PALD1: variants seen among roughly 807,000 people sequenced by gnomAD.
PALD1 encodes the protein phosphatase domain containing paladin 1.
PALD1 carries 57 observed loss-of-function variants against 96.0 expected under a neutral mutation model. The observed-to-expected ratio is 0.59, with a 90% CI of 0.48 to 0.74. PALD1 has a LOEUF of 0.74. PALD1 is among the 30% of genes least tolerant of loss of function. PALD1 has a pLI of 0.00. For synonymous variants in PALD1, 464 were observed against 473.6 expected, an observed-to-expected ratio of 0.98 and a Z score of 0.26; for missense variants, 1,063 against 1,143.7, an observed-to-expected ratio of 0.93 and a Z score of 1.02.
intron 1 of PALD1, among the ~76,000 whole-genome samples, chr10:70,493,907 T>C (rs1228133042): frequency 6.6e-6 from 1 of 152,162 alleles, no homozygotes; most frequent in Non-Finnish European, 1.5e-5. Flanking sequence ...GCAGACCTTG[T>C]CAGAACTTAA....
intron 1 of PALD1, among the ~76,000 whole-genome samples, chr10:70,509,288 C>T (rs571095032): frequency 4.1e-4 from 63 of 152,298 alleles, no homozygotes; most frequent in African/African-American, 1.3e-3. Flanking sequence ...GAGCCAGCTG[C>T]GGAAACGGAG....
At chr10:70,487,702 A>C (rs1327603794) in intron 1 of PALD1, among the ~76,000 whole-genome samples, 2 of 152,046 alleles carry the variant, frequency 1.3e-5, no homozygotes, top group Non-Finnish European at 2.9e-5. Flanking sequence ...TCTTTAAAAA[A>C]AAAAACAAAA....
the PALD1 span, among the ~76,000 whole-genome samples, chr10:70,469,532 G>T: frequency 6.6e-6 from 1 of 152,136 alleles, no homozygotes; most frequent in Admixed American, 6.6e-5. Flanking sequence ...TGCTGTAGAG[G>T]TGAGCGGGCT....
intron 1 of PALD1, among the ~76,000 whole-genome samples, chr10:70,510,426 G>A (rs1296635114): frequency 2.0e-5 from 3 of 152,192 alleles, no homozygotes; most frequent in Admixed American, 2.0e-4. Context: ...CTTCCTGGAA[G>A]TGAGCACATG....
At position 70,501,836 on chromosome 10, in the gene PALD1, C is replaced by T. The variant is rs10999358; in HGVS notation, c.-30+22777C>T. On this transcript the variant is annotated intron_variant, in intron 1 of 19. Coordinates refer to ENST00000263563, the MANE Select transcript of PALD1 (RefSeq NM_014431.3). The stretch of plus-strand genomic sequence containing the variant: ...CTCTGTGTGTGTGTGTGTGTGTGTG[C>T]GTGCGTGCATGCATACCTGTGTTCA... Among the ~76,000 whole-genome samples the T allele has an allele frequency of 0.02, 276 of 13,854 alleles. 3 individuals carry two copies. In the East Asian group the frequency reaches 0.35, roughly 17 times the overall value. 9.1% of individuals were successfully genotyped at this position (13,854 alleles called of 152,430 possible).
chr10:70,513,127 C>A (rs868851498), intron 1 of PALD1, among the ~76,000 whole-genome samples: 1 of 152,170 alleles, frequency 6.6e-6, no homozygotes, highest in African/African-American at 2.4e-5. Context: ...CAGCTTAACA[C>A]TTTTTTCAGT....
chr10:70,534,318 A>G, intron 8 of PALD1, 107 bp from the exon 9 acceptor site: 1 of 807,322 alleles, frequency 1.2e-6, no homozygotes, highest in Non-Finnish European at 2.0e-6. Flanking sequence ...TTCAGAAGGA[A>G]CCTGTAGTCT....
At chr10:70,467,523 C>T in the PALD1 span, among the ~76,000 whole-genome samples, 336 of 152,212 alleles carry the variant, frequency 2.2e-3, 3 homozygotes, top group African/African-American at 7.7e-3. Context: ...CCTAACACCC[C>T]GCACAGTTCG....
At chr10:70,475,487 G>A (rs181624175), upstream of PALD1, among the ~76,000 whole-genome samples, 27 of 152,306 alleles carry the variant, frequency 1.8e-4, no homozygotes, top group African/African-American at 6.3e-4. Context: ...GTCACAAGGA[G>A]CAAGGCCAGC....
chr10:70,490,993 C>T (rs182859282), intron 1 of PALD1, among the ~76,000 whole-genome samples: 489 of 151,980 alleles, frequency 3.2e-3, no homozygotes, highest in Middle Eastern at 6.8e-3. Context: ...CTCGCTCTGT[C>T]GCCCAGGCAT....
intron 9 of PALD1, 104 bp from the exon 10 acceptor site, chr10:70,534,635 A>G (rs1847070983): frequency 8.6e-7 from 1 of 1,166,284 alleles, no homozygotes; most frequent in Non-Finnish European, 1.3e-6. Flanking sequence ...CTCTCTGCCA[A>G]TCTTTTTCTT....
At chr10:70,524,644 T>C (rs1233793761) in intron 1 of PALD1, among the ~76,000 whole-genome samples, 3 of 152,222 alleles carry the variant, frequency 2.0e-5, no homozygotes, top group East Asian at 1.9e-4. Context: ...TGATGCCCTT[T>C]CGTGAGTTAA....
At chr10:70,541,634 A>C (rs1416446055) in intron 17 of PALD1, 100 bp downstream of exon 17, 2 of 815,472 alleles carry the variant, frequency 2.5e-6, no homozygotes, top group Non-Finnish European at 2.1e-6. Context: ...GTCCCAATGC[A>C]GTCACGTCTG....
At chr10:70,534,203 C>T (rs2132378512) in intron 8 of PALD1, 130 bp downstream of exon 8, 1 of 1,147,524 alleles carries the variant, frequency 8.7e-7, no homozygotes, top group Non-Finnish European at 1.2e-6. Context: ...GGTTCATTTC[C>T]TGGTTTGCCA....
intron 4 of PALD1, among the ~76,000 whole-genome samples, 172 bp from the exon 5 acceptor site, chr10:70,531,118 G>A (rs1846980675): frequency 6.6e-6 from 1 of 152,148 alleles, no homozygotes; most frequent in Non-Finnish European, 1.5e-5. Flanking sequence ...AGGGTCACAG[G>A]GAGGTAGCAT....
In PALD1 at chr10:70,512,947, G is replaced by A. The variant is rs572304706; in HGVS notation, c.-29-12976G>A. Reference sequence around the variant, plus strand: ...TTGAAATTCATTGATTTCAAACTACGGGTGGCTAATTAGAGTGGAAAATAC... The same window carrying A: ...TTGAAATTCATTGATTTCAAACTACAGGTGGCTAATTAGAGTGGAAAATAC... On this transcript the variant is annotated intron_variant, in intron 1 of 19. Coordinates refer to ENST00000263563, the MANE Select transcript of PALD1 (RefSeq NM_014431.3). Among the ~76,000 whole-genome samples the A allele has an allele frequency of 3.9e-5, 6 of 152,294 alleles. No homozygotes were observed. The South Asian group carries it at 8.3e-4, about 21-fold the overall frequency.
Position 70,529,224 on chromosome 10 carries a change from CCCAG to C in PALD1, c.186-4_186-1del. 3.3e-6 allele frequency: 1 copy of C among 300,602 alleles called. No homozygotes were observed. Among genetic ancestry groups the C allele is most frequent in the Non-Finnish European group, 6.2e-6 (1 of 161,914 alleles). The allele number at this position is 300,602 out of a possible 1,614,324, so 18.6% of individuals were successfully genotyped here. On this transcript the variant is annotated splice_acceptor_variant and splice_polypyrimidine_tract_variant and intron_variant, in intron 2 of 19. Coordinates refer to ENST00000263563, the MANE Select transcript of PALD1 (RefSeq NM_014431.3). LOFTEE classifies it high-confidence loss of function. ...TTCCATTCTGCCCCCCCCCCCCCCC[CCCAG>C]GTACAACTGCAAGGAGGAGTTCCAG...
intron 1 of PALD1, among the ~76,000 whole-genome samples, chr10:70,504,519 T>C (rs979657916): frequency 2.0e-5 from 3 of 152,216 alleles, no homozygotes; most frequent in African/African-American, 7.2e-5. Flanking sequence ...TAAGACTTCG[T>C]CTCAGAAAAC....
rs1345640823 is a variant in PALD1 at position 70,526,000 on chromosome 10, C to T, written c.49C>T (p.Pro17Ser). 6.2e-7 allele frequency: 1 copy of T among 1,614,066 alleles called. No individual in the cohort carries two copies. The highest frequency in any genetic ancestry group is 1.3e-5 in the African/African-American group (1 of 74,920). Residue 17 changes from proline (P) to serine (S), a missense_variant, in exon 2 of 20, where the codon CCA (proline) becomes TCA (serine). By Grantham distance (74) the Pro-to-Ser change is moderately conservative. Transcript: ENST00000263563. ...CCAGCAGACGGTCTCGGCAGGCACC[C>T]CATTTGAGGGCCTACAGGGCAGTGG... Reference protein sequence around the residue: ...TAQQTVSAGTPFEGLQGSGTM... With the variant: ...TAQQTVSAGTSFEGLQGSGTM...
Sources: allele counts gnomAD v4.1 joint callset (sites outside exome capture counted in the v4.1 genomes callset), GRCh38; gene constraint gnomAD v4.1.1; transcripts MANE v1.5; gene names NCBI Gene and HGNC (gene_info 2026-07-23, HGNC 2026-07-21).